The following JAKMIP1 variants were observed in gnomAD, a reference collection of about 807,000 sequenced individuals.
The protein encoded by JAKMIP1 is janus kinase and microtubule-interacting protein 1.
Under a neutral mutation model 113.0 loss-of-function variants are expected in JAKMIP1, and 33 were observed. The ratio of observed to expected loss-of-function variants is 0.29; its 90% CI spans 0.22 to 0.39. The LOEUF (loss-of-function observed/expected upper bound fraction) is 0.39, where lower values mean the gene tolerates loss of function less well. JAKMIP1 is among the 10% of genes least tolerant of loss of function. The pLI is 1.00. For missense variants in JAKMIP1, 813 were observed against 1,080.5 expected, an observed-to-expected ratio of 0.75 and a Z score of 3.47; for synonymous variants, 480 against 459.9, an observed-to-expected ratio of 1.04 and a Z score of -0.56.
At chr4:6,075,626 G>C (rs1177931291) in intron 8 of JAKMIP1, among the ~76,000 whole-genome samples, 1 of 152,200 alleles carries the variant, frequency 6.6e-6, no homozygotes, top group East Asian at 1.9e-4. Flanking sequence ...CTTCATTAAA[G>C]TGACCACACA....
chr4:6,174,420 C>T (rs1332727161), intron 1 of JAKMIP1, among the ~76,000 whole-genome samples: 3 of 152,200 alleles, frequency 2.0e-5, no homozygotes, highest in East Asian at 1.9e-4. Flanking sequence ...GAGAAAGGAC[C>T]GTGAATCCTT....
At position 6,067,724 on chromosome 4, in the gene JAKMIP1, AC is replaced by A. The variant is rs1225207300; in HGVS notation, c.1303-2717del. ...CACACAGGTCACCCCCCTGAGCTCCACGTTCACTCAAGCTCTTCTGCACACG... is the reference window on the plus strand; with the variant it reads ...CACACAGGTCACCCCCCTGAGCTCCAGTTCACTCAAGCTCTTCTGCACACG... On this transcript the variant is annotated intron_variant, in intron 8 of 20. Transcript: ENST00000409021. This position sits in a 1 kb window ranked among gnomAD's most constrained non-coding sequence, Gnocchi z 4.6. Among the ~76,000 whole-genome samples, 9 of 148,514 alleles carry A rather than the reference AC, an allele frequency of 6.1e-5. No individual in the cohort carries two copies. Among genetic ancestry groups the A allele is most frequent in the East Asian group, 2.0e-4 (1 of 5,056 alleles).
At position 6,199,787 on chromosome 4, in the gene JAKMIP1, T is replaced by TG. The variant is rs1728248149; in HGVS notation, c.-148+465dup. On this transcript the variant is annotated intron_variant, in intron 1 of 20. Transcript: ENST00000409021. The surrounding 1 kb of genome is among the most constrained non-coding windows in gnomAD (Gnocchi z 5.6). The stretch of plus-strand genomic sequence containing the variant: ...CTTCTTTGCCACCTGGGCGGAGATC[T>TG]GGGGGACTGTGACCTACCCTGCGGA... Among the ~76,000 whole-genome samples, 1 of 150,874 alleles carries TG rather than the reference T, an allele frequency of 6.6e-6. No homozygotes were observed. Among genetic ancestry groups the TG allele is most frequent in the Non-Finnish European group, 1.5e-5 (1 of 67,570 alleles).
In JAKMIP1 at chr4:6,139,862, G is replaced by T. The variant is rs1719850327; in HGVS notation, c.-147-26865C>A. ...GAGAACACCATGTGACGACGAAGGA[G>T]GAGGTCACGGGGCAGATTCCACGAG... On this transcript the variant is annotated intron_variant, in intron 1 of 20. Transcript: ENST00000409021. The surrounding 1 kb of genome is among the most constrained non-coding windows in gnomAD (Gnocchi z 5.2). Among the ~76,000 whole-genome samples the T allele has an allele frequency of 6.6e-6, 1 of 152,078 alleles. No individual in the cohort carries two copies. The highest frequency in any genetic ancestry group is 2.4e-5 in the African/African-American group (1 of 41,364).
Position 6,179,109 on chromosome 4 carries a change from T to C in JAKMIP1, c.-148+21144A>G, listed in dbSNP as rs1288673907. ...AGACTAGAATGTGCTTTTCAAACCT[T>C]TGTTGCTCTTTTTCATGAAATGGTC... is the stretch of plus-strand genomic sequence containing the variant. On this transcript the variant is annotated intron_variant, in intron 1 of 20. Coordinates refer to ENST00000409021, the MANE Select transcript of JAKMIP1 (RefSeq NM_001099433.2). This position sits in a 1 kb window ranked among gnomAD's most constrained non-coding sequence, Gnocchi z 4.5. Among the ~76,000 whole-genome samples, 1 of 152,150 alleles carries C rather than the reference T, an allele frequency of 6.6e-6. No individual in the cohort carries two copies. Among genetic ancestry groups the C allele is most frequent in the South Asian group, 2.1e-4 (1 of 4,828 alleles).
At chr4:6,085,759 A>C (rs1386162671) in intron 3 of JAKMIP1, 130 bp from the exon 4 acceptor site, 1 of 757,210 alleles carries the variant, frequency 1.3e-6, no homozygotes, top group Non-Finnish European at 2.2e-6. Flanking sequence ...TGAATTCAGT[A>C]AACTCCAGAC....
At chr4:6,053,120 C>T (rs901280550) in intron 13 of JAKMIP1, among the ~76,000 whole-genome samples, 1 of 152,200 alleles carries the variant, frequency 6.6e-6, no homozygotes, top group East Asian at 1.9e-4. Flanking sequence ...AGAAACTCAT[C>T]ACAAACTTAA....
In JAKMIP1 at chr4:6,184,448, G is replaced by C. The variant is rs775017058; in HGVS notation, c.-148+15805C>G. Among the ~76,000 whole-genome samples the C allele has an allele frequency of 6.6e-6, 1 of 152,142 alleles. No homozygotes were observed. The highest frequency in any genetic ancestry group is 2.4e-5 in the African/African-American group (1 of 41,440). On this transcript the variant is annotated intron_variant, in intron 1 of 20. Coordinates refer to ENST00000409021, the MANE Select transcript of JAKMIP1 (RefSeq NM_001099433.2). This position sits in a 1 kb window ranked among gnomAD's most constrained non-coding sequence, Gnocchi z 4.5. ...TACAGCCCACACTCAGCATCACAAGGAGGGAGAGAGGGCAAGGCAAGTGCA... is the reference window on the plus strand; with the variant it reads ...TACAGCCCACACTCAGCATCACAAGCAGGGAGAGAGGGCAAGGCAAGTGCA...
intron 3 of JAKMIP1, among the ~76,000 whole-genome samples, chr4:6,098,679 A>AG (rs1460197256): frequency 4.7e-3 from 34 of 7,274 alleles, no homozygotes; most frequent in South Asian, 0.025. Context: ...AGAGAAAGAA[A>AG]GAAAGAAAGA....
chr4:6,097,053 G>A lies in JAKMIP1; in HGVS notation c.624+8420C>T, dbSNP rs1711909646. Among the ~76,000 whole-genome samples the A allele has an allele frequency of 6.6e-6, 1 of 152,182 alleles. No homozygotes were observed. On this transcript the variant is annotated intron_variant, in intron 3 of 20. Coordinates refer to ENST00000409021, the MANE Select transcript of JAKMIP1 (RefSeq NM_001099433.2). The surrounding 1 kb of genome is among the most constrained non-coding windows in gnomAD (Gnocchi z 4.3). The stretch of plus-strand genomic sequence containing the variant: ...CTCTCTCTCTGTCACCCAGGCTGGA[G>A]TGCAGGGGCATGATCGTAGGTCACA...
rs544739663 is a variant in JAKMIP1, at chr4:6,184,394, C to A, written c.-148+15859G>T. 2.0e-5 allele frequency among the ~76,000 whole-genome samples: 3 copies of A among 152,166 alleles called. No individual in the cohort carries two copies. The highest frequency in any genetic ancestry group is 4.4e-5 in the Non-Finnish European group (3 of 68,036). ...CCCACTGCTGGTTTTCAGACTCTGC[C>A]GCCTTCCCTCCTTTCCTAGAAATGA... On this transcript the variant is annotated intron_variant, in intron 1 of 20. Coordinates refer to ENST00000409021, the MANE Select transcript of JAKMIP1 (RefSeq NM_001099433.2). The surrounding 1 kb of genome is among the most constrained non-coding windows in gnomAD (Gnocchi z 4.5).
intron 7 of JAKMIP1, among the ~76,000 whole-genome samples, chr4:6,079,402 A>G (rs1246498322): frequency 6.6e-6 from 1 of 152,146 alleles, no homozygotes; most frequent in East Asian, 1.9e-4. Flanking sequence ...GAGAAGTTAA[A>G]GAGGTAGAGG....
At chr4:6,112,152 C>T (rs1715041792) in intron 2 of JAKMIP1, among the ~76,000 whole-genome samples, 1 of 152,218 alleles carries the variant, frequency 6.6e-6, no homozygotes, top group African/African-American at 2.4e-5. Flanking sequence ...TGATGAACTG[C>T]AACCTAACTT....
Position 6,187,614 on chromosome 4 carries a change from A to G in JAKMIP1, c.-148+12639T>C, listed in dbSNP as rs999359712. 2.6e-5 allele frequency among the ~76,000 whole-genome samples: 4 copies of G among 152,258 alleles called. No individual in the cohort carries two copies. Among genetic ancestry groups the G allele is most frequent in the Non-Finnish European group, 5.9e-5 (4 of 68,040 alleles). On this transcript the variant is annotated intron_variant, in intron 1 of 20. Coordinates refer to ENST00000409021, the MANE Select transcript of JAKMIP1 (RefSeq NM_001099433.2). This position sits in a 1 kb window ranked among gnomAD's most constrained non-coding sequence, Gnocchi z 4.2. Reference sequence around the variant, plus strand: ...AAACACAGCAAGAAGACTGCTGTCAATGGGGAGGCAGGGCCTCACCAGACA... The same window carrying G: ...AAACACAGCAAGAAGACTGCTGTCAGTGGGGAGGCAGGGCCTCACCAGACA...
intron 8 of JAKMIP1, among the ~76,000 whole-genome samples, chr4:6,066,662 T>C (rs903863139): frequency 6.7e-6 from 1 of 149,888 alleles, no homozygotes; most frequent in Non-Finnish European, 1.5e-5. Context: ...TCTCCACCTC[T>C]CATGCCTGCC....
At chr4:6,159,759 A>C (rs990179940) in intron 1 of JAKMIP1, among the ~76,000 whole-genome samples, 2 of 152,224 alleles carry the variant, frequency 1.3e-5, no homozygotes, top group Admixed American at 6.5e-5. Context: ...GCCGCTGGGC[A>C]ATTTCTATTC....
Position 6,080,350 on chromosome 4 carries a change from C to G in JAKMIP1, c.1102-38G>C. The stretch of plus-strand genomic sequence containing the variant: ...GGAGACAGACCACCACAGGGTTACC[C>G]GCCAACAGTGTTTGTTAGGGACAGT... On this transcript the variant is annotated intron_variant, in intron 6 of 20. Transcript: ENST00000409021. The surrounding 1 kb of genome is among the most constrained non-coding windows in gnomAD (Gnocchi z 6.0). The G allele has an allele frequency of 6.2e-7, 1 of 1,605,334 alleles. No individual in the cohort carries two copies. Among genetic ancestry groups the G allele is most frequent in the Non-Finnish European group, 8.5e-7 (1 of 1,175,338 alleles).
rs188462351 is a variant in JAKMIP1 at position 6,064,501 on chromosome 4, C to T, written c.1431+379G>A. On this transcript the variant is annotated intron_variant, in intron 9 of 20. Coordinates refer to ENST00000409021, the MANE Select transcript of JAKMIP1 (RefSeq NM_001099433.2). This position sits in a 1 kb window ranked among gnomAD's most constrained non-coding sequence, Gnocchi z 4.3. Reference sequence around the variant, plus strand: ...TGCTGTTTCTGCCCGGTGGTGTGTCCGTGTGTGCACACATGCGTGGGGACC... The same window carrying T: ...TGCTGTTTCTGCCCGGTGGTGTGTCTGTGTGTGCACACATGCGTGGGGACC... Among the ~76,000 whole-genome samples the T allele has an allele frequency of 5.9e-5, 9 of 152,174 alleles. No individual in the cohort carries two copies. Among genetic ancestry groups the T allele is most frequent in the Admixed American group, 3.9e-4 (6 of 15,280 alleles).
rs1714421813 is a variant in JAKMIP1, at chr4:6,108,958, C to T, written c.130-2991G>A. 6.6e-6 allele frequency among the ~76,000 whole-genome samples: 1 copy of T among 152,190 alleles called. No individual in the cohort carries two copies. The highest frequency in any genetic ancestry group is 6.5e-5 in the Admixed American group (1 of 15,282). ...TACACATATATATTCCTTGTTCTGG[C>T]AGCTGAGAGGGCCTAGAAACAATGA... On this transcript the variant is annotated intron_variant, in intron 2 of 20. Coordinates refer to ENST00000409021, the MANE Select transcript of JAKMIP1 (RefSeq NM_001099433.2). The surrounding 1 kb of genome is among the most constrained non-coding windows in gnomAD (Gnocchi z 5.6).
Sources: allele counts gnomAD v4.1 joint callset (sites outside exome capture counted in the v4.1 genomes callset), GRCh38; gene constraint gnomAD v4.1.1; non-coding constraint Gnocchi (gnomAD v3.1); transcripts MANE v1.5; gene names NCBI Gene and HGNC (gene_info 2026-07-23, HGNC 2026-07-21).